Variants in ATP6V1H observed in about 807,000 individuals in gnomAD.
The protein encoded by ATP6V1H is V-type proton ATPase subunit H.
ATP6V1H carries 39 observed loss-of-function variants against 71.7 expected under a neutral mutation model. That is an observed-to-expected ratio of 0.54 (90% CI 0.42 to 0.71). The LOEUF (loss-of-function observed/expected upper bound fraction) is 0.71. Among genes scored for constraint, ATP6V1H ranks in the 30% least tolerant of loss-of-function variants. The pLI is 0.00. For missense variants in ATP6V1H, 509 were observed against 594.9 expected (o/e 0.86, Z 1.50); for synonymous variants, 192 against 199.3 (o/e 0.96, Z 0.31).
At chr8:53,763,022 G>A (rs778138457) in intron 11 of ATP6V1H, among the ~76,000 whole-genome samples, 4 of 152,024 alleles carry the variant, frequency 2.6e-5, no homozygotes, top group Non-Finnish European at 4.4e-5. Context: ...TTACTTTATT[G>A]TAAGAATACA....
At chr8:53,726,241 A>C (rs1007363940) in intron 13 of ATP6V1H, among the ~76,000 whole-genome samples, 33 of 152,162 alleles carry the variant, frequency 2.2e-4, no homozygotes, top group African/African-American at 7.0e-4. Context: ...CATACTTTAT[A>C]TTTGCTCTCA....
chr8:53,827,018 A>G (rs939076226), intron 4 of ATP6V1H, among the ~76,000 whole-genome samples: 2 of 151,694 alleles, frequency 1.3e-5, no homozygotes, highest in Non-Finnish European at 2.9e-5. Context: ...AGGATTAGTG[A>G]CATTTCTCTG....
At chr8:53,792,639 A>G (rs1809602199) in intron 9 of ATP6V1H, among the ~76,000 whole-genome samples, 1 of 152,196 alleles carries the variant, frequency 6.6e-6, no homozygotes, top group African/African-American at 2.4e-5. Flanking sequence ...GGTGGTTAAG[A>G]GGACAGCTTT....
chr8:53,820,540 G>A (rs541049270), intron 4 of ATP6V1H, among the ~76,000 whole-genome samples: 3 of 151,752 alleles, frequency 2.0e-5, no homozygotes, highest in South Asian at 2.1e-4. Flanking sequence ...GGTGGTAAGC[G>A]CCTGTAGTTC....
chr8:53,794,135 A>G (rs1809654584), intron 9 of ATP6V1H, among the ~76,000 whole-genome samples: 1 of 152,238 alleles, frequency 6.6e-6, no homozygotes, highest in Non-Finnish European at 1.5e-5. Context: ...CCATTAAAAA[A>G]AATACTGAAT....
At chr8:53,742,167 T>C (rs1178047922) in intron 13 of ATP6V1H, among the ~76,000 whole-genome samples, 2 of 152,232 alleles carry the variant, frequency 1.3e-5, no homozygotes, top group Non-Finnish European at 2.9e-5. Flanking sequence ...CCATCCTTCA[T>C]GTCAGAGTTT....
intron 9 of ATP6V1H, among the ~76,000 whole-genome samples, chr8:53,786,919 G>A (rs908634680): frequency 3.9e-5 from 6 of 152,312 alleles, no homozygotes; most frequent in African/African-American, 1.4e-4. Context: ...GTGAAGACCA[G>A]TTTTGCTTGT....
At chr8:53,728,994 TA>T (rs1336407698) in intron 13 of ATP6V1H, among the ~76,000 whole-genome samples, 1 of 152,198 alleles carries the variant, frequency 6.6e-6, no homozygotes, top group Non-Finnish European at 1.5e-5. Flanking sequence ...AAATGCTCAA[TA>T]AACCTTTAAT....
At chr8:53,723,549 T>C (rs535067485) in intron 13 of ATP6V1H, among the ~76,000 whole-genome samples, 5 of 152,334 alleles carry the variant, frequency 3.3e-5, no homozygotes, top group Admixed American at 1.3e-4. Context: ...AAGGCAAAGA[T>C]GGTTTATCGT....
intron 5 of ATP6V1H, among the ~76,000 whole-genome samples, chr8:53,816,934 G>A (rs1309683004): frequency 6.6e-6 from 1 of 152,162 alleles, no homozygotes; most frequent in East Asian, 1.9e-4. Flanking sequence ...TACAAACACT[G>A]TAGAGCTGTT....
At chr8:53,729,353 A>G (rs1806933856) in intron 13 of ATP6V1H, among the ~76,000 whole-genome samples, 1 of 152,224 alleles carries the variant, frequency 6.6e-6, no homozygotes, top group African/African-American at 2.4e-5. Flanking sequence ...CAGAACACCC[A>G]CACCCAAGAG....
In ATP6V1H at chr8:53,769,838, CAA is replaced by C. The variant is rs1401773256; in HGVS notation, c.1050-97_1050-96del. The C allele has an allele frequency of 5.6e-6, 6 of 1,071,598 alleles. No individual in the cohort carries two copies. The East Asian group carries it at 1.6e-4, about 28-fold the overall frequency. The allele number at this position is 1,071,598 out of a possible 1,614,324, so 66.4% of individuals were successfully genotyped here. A position where few individuals can be genotyped will look rare whatever the true frequency, so the allele number is the denominator to read the frequency against. ...AATGTCTTCACTTATTATTTAATTACAAAGACTGACCATCCTTTGTACATTAA... is the reference window on the plus strand; with the variant it reads ...AATGTCTTCACTTATTATTTAATTACAGACTGACCATCCTTTGTACATTAA... On this transcript the variant is annotated intron_variant, in intron 10 of 13. Transcript: ENST00000359530.
intron 7 of ATP6V1H, 80 bp downstream of exon 7, chr8:53,811,084 A>G: frequency 1.6e-6 from 2 of 1,250,398 alleles, no homozygotes; most frequent in South Asian, 2.6e-5. Flanking sequence ...GAACTAGTAA[A>G]CACCTTCAAA....
At chr8:53,839,600 C>G in intron 2 of ATP6V1H, 4 of 985,378 alleles carry the variant, frequency 4.1e-6, no homozygotes, top group Non-Finnish European at 4.8e-6. Context: ...CTCTCTACCT[C>G]TAGACTTATC....
intron 12 of ATP6V1H, among the ~76,000 whole-genome samples, chr8:53,753,335 G>A (rs1314460939): frequency 1.3e-5 from 2 of 152,326 alleles, no homozygotes; most frequent in East Asian, 3.9e-4. Flanking sequence ...ACGGAGGATC[G>A]ACTGCAGCAG....
At chr8:53,806,198 G>T (rs1003408542) in intron 7 of ATP6V1H, among the ~76,000 whole-genome samples, 23 of 151,820 alleles carry the variant, frequency 1.5e-4, no homozygotes, top group African/African-American at 5.6e-4. Context: ...ACTTAATCTC[G>T]AAAATTGTTT....
intron 7 of ATP6V1H, among the ~76,000 whole-genome samples, chr8:53,810,954 C>T (rs1172440322): frequency 2.0e-5 from 3 of 152,034 alleles, no homozygotes; most frequent in African/African-American, 4.8e-5. Flanking sequence ...AAAAGAGCAA[C>T]GGGAAAGAAC....
chr8:53,736,798 T>C (rs907510848), intron 13 of ATP6V1H, among the ~76,000 whole-genome samples: 2 of 152,212 alleles, frequency 1.3e-5, no homozygotes, highest in African/African-American at 2.4e-5. Flanking sequence ...ACCTCTCTTA[T>C]TGTCTCATAC....
chr8:53,810,454 A>T (rs1327375390), intron 7 of ATP6V1H, among the ~76,000 whole-genome samples: 3 of 152,180 alleles, frequency 2.0e-5, no homozygotes, highest in Non-Finnish European at 4.4e-5. Context: ...AAAAATGTGG[A>T]AAGAAGGCCT....
Sources: gnomAD v4.1 joint callset for allele counts (sites outside exome capture counted in the v4.1 genomes callset) on GRCh38, gnomAD v4.1.1 for gene constraint, MANE v1.5 for transcripts, NCBI Gene and HGNC (gene_info 2026-07-23, HGNC 2026-07-21) for gene names.